Variants in ANKRD52 observed in about 807,000 individuals in gnomAD.
The protein encoded by ANKRD52 is serine/threonine-protein phosphatase 6 regulatory ankyrin repeat subunit C.
ANKRD52 carries 7 observed loss-of-function variants against 116.0 expected under a neutral mutation model. The ratio of observed to expected loss-of-function variants is 0.06; its 90% CI spans 0.03 to 0.11. The LOEUF (loss-of-function observed/expected upper bound fraction) is 0.11, where lower values mean the gene tolerates loss of function less well. Among genes scored for constraint, ANKRD52 ranks in the 10% least tolerant of loss-of-function variants. ANKRD52 has a pLI of 1.00. For synonymous variants in ANKRD52, 528 were observed against 578.1 expected (o/e 0.91, Z 1.24); for missense variants, 839 against 1,408.6 (o/e 0.60, Z 6.47).
chr12:56,257,182 C>G, intron 3 of ANKRD52, 97 bp from the exon 4 acceptor site: 1 of 1,550,218 alleles, frequency 6.5e-7, no homozygotes, highest in Non-Finnish European at 8.8e-7. Flanking sequence ...GCTGGAGCCT[C>G]GCCTGGACCA....
intron 18 of ANKRD52, 56 bp from the exon 19 acceptor site, chr12:56,247,830 G>T: frequency 6.4e-7 from 1 of 1,553,132 alleles, no homozygotes; most frequent in Non-Finnish European, 8.8e-7. Flanking sequence ...GGGAGGCAAG[G>T]TCAAGCCTAA....
chr12:56,248,742 C>T lies in ANKRD52; in HGVS notation c.1704+17G>A, dbSNP rs763519272. Reference sequence around the variant, plus strand: ...TGCCCCTGCCTCCCCTCCTGCAGGCCGGGCCCCAACACATACCAGTTCGAG... The same window carrying T: ...TGCCCCTGCCTCCCCTCCTGCAGGCTGGGCCCCAACACATACCAGTTCGAG... On this transcript the variant is annotated intron_variant, in intron 16 of 27. Coordinates refer to ENST00000267116, the MANE Select transcript of ANKRD52 (RefSeq NM_173595.4). This position sits in a 1 kb window ranked among gnomAD's most constrained non-coding sequence, Gnocchi z 5.1. 8.4e-5 allele frequency: 133 copies of T among 1,590,084 alleles called. No individual in the cohort carries two copies. The highest frequency in any genetic ancestry group is 1.0e-4 in the Non-Finnish European group (119 of 1,164,808).
Position 56,243,765 on chromosome 12 carries a change from G to C in ANKRD52, c.2980+20C>G, listed in dbSNP as rs1257898818. On this transcript the variant is annotated intron_variant, in intron 27 of 27. Transcript: ENST00000267116. The surrounding 1 kb of genome is among the most constrained non-coding windows in gnomAD (Gnocchi z 4.6). ...TGACCCCAAACCCAAGAGAGGCATG[G>C]GGCCCCAGACCCCACCCACCTTCTT... The C allele has an allele frequency of 6.4e-7, 1 of 1,551,620 alleles. No homozygotes were observed.
chr12:56,251,904 G>T, intron 15 of ANKRD52, 111 bp downstream of exon 15: 2 of 1,199,720 alleles, frequency 1.7e-6, no homozygotes, highest in Non-Finnish European at 2.4e-6. Context: ...TGGCTGACCG[G>T]CAGGACAGCA....
In ANKRD52 at chr12:56,248,429, C is replaced by T. The variant is rs921896243; in HGVS notation, c.1776+66G>A. The T allele has an allele frequency of 5.3e-6, 8 of 1,513,750 alleles. No individual in the cohort carries two copies. Among genetic ancestry groups the T allele is most frequent in the African/African-American group, 4.1e-5 (3 of 72,338 alleles). 93.8% of individuals were successfully genotyped at this position (1,513,750 alleles called of 1,614,324 possible). On this transcript the variant is annotated intron_variant, in intron 17 of 27. Coordinates refer to ENST00000267116, the MANE Select transcript of ANKRD52 (RefSeq NM_173595.4). The surrounding 1 kb of genome is among the most constrained non-coding windows in gnomAD (Gnocchi z 5.1). ...GGAAGGATAACTTCACAAGTGCTGG[C>T]ACCTTTGTTAGGGCCTGGGAACAGG... is the stretch of plus-strand genomic sequence containing the variant.
rs997191960 is a variant in ANKRD52, at chr12:56,240,538, G to A, written c.*2604C>T. Reference sequence around the variant, plus strand: ...CTCCCCGCCCTCCCCCATGAAGACTGGGGGGCATTCTGCCTGTTTTACTTC... The same window carrying A: ...CTCCCCGCCCTCCCCCATGAAGACTAGGGGGCATTCTGCCTGTTTTACTTC... On this transcript the variant is annotated 3_prime_UTR_variant, in exon 28 of 28. Transcript: ENST00000267116. This position sits in a 1 kb window ranked among gnomAD's most constrained non-coding sequence, Gnocchi z 4.2. 1 of 152,012 alleles carries A rather than the reference G, an allele frequency of 6.6e-6. No individual in the cohort carries two copies. The highest frequency in any genetic ancestry group is 1.5e-5 in the Non-Finnish European group (1 of 67,986). The allele number at this position is 152,012 out of a possible 1,614,324, so 9.4% of individuals were successfully genotyped here. A position where few individuals can be genotyped will look rare whatever the true frequency, so the allele number is the denominator to read the frequency against.
At position 56,245,128 on chromosome 12, in the gene ANKRD52, G is replaced by C. The variant is rs1565607682; in HGVS notation, c.2467C>G (p.Pro823Ala). Reference protein sequence around the residue: ...HSPFSYLEGNPFTPLHCAVIN... With the variant: ...HSPFSYLEGNAFTPLHCAVIN... Reference sequence around the variant, plus strand: ...ACTGCACAGTGCAAAGGAGTGAAGGGGTTTCCTTCCAGGTACGAAAACGGG... The same window carrying C: ...ACTGCACAGTGCAAAGGAGTGAAGGCGTTTCCTTCCAGGTACGAAAACGGG... Residue 823 changes from proline to alanine, a missense_variant, in exon 22 of 28, where the codon CCC (proline) becomes GCC (alanine). By Grantham distance (27) the Pro-to-Ala change is conservative. Coordinates refer to ENST00000267116, the MANE Select transcript of ANKRD52 (RefSeq NM_173595.4). The C allele has an allele frequency of 6.2e-7, 1 of 1,613,946 alleles. No homozygotes were observed.
chr12:56,258,134 C>G, intron 1 of ANKRD52, 109 bp downstream of exon 1: 2 of 1,517,400 alleles, frequency 1.3e-6, no homozygotes, highest in Non-Finnish European at 1.8e-6. Flanking sequence ...GGGGCGGGAG[C>G]TGCGGGAGCC....
chr12:56,237,854 C>G lies in ANKRD52; in HGVS notation c.*5288G>C. 8.3e-7 allele frequency: 1 copy of G among 1,206,966 alleles called. No individual in the cohort carries two copies. Among genetic ancestry groups the G allele is most frequent in the Non-Finnish European group, 1.1e-6 (1 of 898,092 alleles). The allele number at this position is 1,206,966 out of a possible 1,614,324, so 74.8% of individuals were successfully genotyped here. Reference sequence around the variant, plus strand: ...AACAGAACCCATCCCAAAGCCATGACTACGACAGTTGTACTTGCACCAAAA... The same window carrying G: ...AACAGAACCCATCCCAAAGCCATGAGTACGACAGTTGTACTTGCACCAAAA... On this transcript the variant is annotated 3_prime_UTR_variant, in exon 28 of 28. Transcript: ENST00000267116.
chr12:56,253,713 G>T lies in ANKRD52; in HGVS notation c.985+9C>A, dbSNP rs765509424. 6 of 1,613,280 alleles carry T rather than the reference G, an allele frequency of 3.7e-6. No individual in the cohort carries two copies. The highest frequency in any genetic ancestry group is 5.1e-6 in the Non-Finnish European group (6 of 1,179,478). ...GGGGATGAGAGCACAAAGTCTCCCAGGTCCATACCATTCTGGATGAGGATC... is the reference window on the plus strand; with the variant it reads ...GGGGATGAGAGCACAAAGTCTCCCATGTCCATACCATTCTGGATGAGGATC... On this transcript the variant is annotated intron_variant, in intron 9 of 27. Coordinates refer to ENST00000267116, the MANE Select transcript of ANKRD52 (RefSeq NM_173595.4). This position sits in a 1 kb window ranked among gnomAD's most constrained non-coding sequence, Gnocchi z 5.5.
intron 15 of ANKRD52, among the ~76,000 whole-genome samples, chr12:56,251,220 C>T (rs184627566): frequency 3.4e-4 from 51 of 151,964 alleles, no homozygotes; most frequent in African/African-American, 1.1e-3. Context: ...GGATTATAGG[C>T]GTGAACCACC....
Position 56,245,484 on chromosome 12 carries a change from T to C in ANKRD52, c.2297A>G (p.His766Arg), listed in dbSNP as rs1382701114. The C allele has an allele frequency of 1.9e-6, 3 of 1,611,668 alleles. No homozygotes were observed. Among genetic ancestry groups the C allele is most frequent in the Non-Finnish European group, 1.7e-6 (2 of 1,179,152 alleles). Residue 766 changes from histidine to arginine, a missense_variant, in exon 21 of 28, where the codon CAC becomes CGC. His to Arg is a conservative substitution (Grantham distance 29). Coordinates refer to ENST00000267116, the MANE Select transcript of ANKRD52 (RefSeq NM_173595.4). ...TPIHLASACGHTAVLRTLLQA... is the reference protein window; with the variant it reads ...TPIHLASACGRTAVLRTLLQA... ...CAGCAGGGTCCGCAGTACTGCAGTG[T>C]GGCCACAGGCTGAGGCCAGGTGAAT... is the stretch of plus-strand genomic sequence containing the variant.
Position 56,240,872 on chromosome 12 carries a change from C to T in ANKRD52, c.*2270G>A, listed in dbSNP as rs1057007319. On this transcript the variant is annotated 3_prime_UTR_variant, in exon 28 of 28. Transcript: ENST00000267116. The surrounding 1 kb of genome is among the most constrained non-coding windows in gnomAD (Gnocchi z 4.2). ...AGACAACGGGGCTCTGACACTCAGA[C>T]GCTTCCCGCCATCACCAAACATCAC... is the stretch of plus-strand genomic sequence containing the variant. 2.6e-5 allele frequency: 4 copies of T among 152,230 alleles called. No individual in the cohort carries two copies. The highest frequency in any genetic ancestry group is 9.7e-5 in the African/African-American group (4 of 41,448). The allele number at this position is 152,230 out of a possible 1,614,324, so 9.4% of individuals were successfully genotyped here. A position where few individuals can be genotyped will look rare whatever the true frequency, so the allele number is the denominator to read the frequency against.
Position 56,255,442 on chromosome 12 carries a change from C to T in ANKRD52, c.462+342G>A, listed in dbSNP as rs975550748. ...CCTGATCTCATGATCCACCCGCCTT[C>T]GCCTCCCAAAGTGCTGGGATTACAG... is the stretch of plus-strand genomic sequence containing the variant. On this transcript the variant is annotated intron_variant, in intron 5 of 27. Transcript: ENST00000267116. The surrounding 1 kb of genome is among the most constrained non-coding windows in gnomAD (Gnocchi z 4.3). Among the ~76,000 whole-genome samples, 2 of 152,170 alleles carry T rather than the reference C, an allele frequency of 1.3e-5. No individual in the cohort carries two copies. The highest frequency in any genetic ancestry group is 1.9e-4 in the East Asian group (1 of 5,178).
intron 15 of ANKRD52, among the ~76,000 whole-genome samples, chr12:56,249,783 C>T (rs915514762): frequency 3.9e-5 from 6 of 151,976 alleles, no homozygotes; most frequent in Non-Finnish European, 7.4e-5. Flanking sequence ...CTCACGCCTG[C>T]AATCCTAGCA....
Position 56,252,361 on chromosome 12 carries a change from T to TA in ANKRD52, c.1371-47dup. ...GGTGGGGAAGAGAATCAGAGACAGA[T>TA]ACGAATGCAATCAGATGTGCAGCCA... On this transcript the variant is annotated intron_variant, in intron 13 of 27. Transcript: ENST00000267116. The surrounding 1 kb of genome is among the most constrained non-coding windows in gnomAD (Gnocchi z 4.7). 6.2e-7 allele frequency: 1 copy of TA among 1,609,974 alleles called. No individual in the cohort carries two copies.
chr12:56,257,405 G>C, intron 2 of ANKRD52, 44 bp from the exon 3 acceptor site: 1 of 1,516,412 alleles, frequency 6.6e-7, no homozygotes, highest in Non-Finnish European at 9.0e-7. Flanking sequence ...GCGGGGTAAG[G>C]GGGCTATCAA....
In ANKRD52 at chr12:56,243,120, G is replaced by C. The variant is rs752429054; in HGVS notation, c.*22C>G. The C allele has an allele frequency of 1.3e-6, 2 of 1,566,458 alleles. No homozygotes were observed. Among genetic ancestry groups the C allele is most frequent in the Non-Finnish European group, 1.7e-6 (2 of 1,155,758 alleles). ...TAGAATTAGATATCAAGCCACCGGC[G>C]GGGGAGGGACACTGGAGGGGGCTAC... On this transcript the variant is annotated 3_prime_UTR_variant, in exon 28 of 28. Coordinates refer to ENST00000267116, the MANE Select transcript of ANKRD52 (RefSeq NM_173595.4). This position sits in a 1 kb window ranked among gnomAD's most constrained non-coding sequence, Gnocchi z 4.6.
rs1871208368 is a variant in ANKRD52 at position 56,242,491 on chromosome 12, C to T, written c.*651G>A. On this transcript the variant is annotated 3_prime_UTR_variant, in exon 28 of 28. Transcript: ENST00000267116. The surrounding 1 kb of genome is among the most constrained non-coding windows in gnomAD (Gnocchi z 4.3). ...GCATATGAGGAGCCAGGGGAGAGTG[C>T]AGGATTGGGGCCCAGGTACAGTAGT... 3.5e-6 allele frequency: 1 copy of T among 287,414 alleles called. No individual in the cohort carries two copies. Among genetic ancestry groups the T allele is most frequent in the East Asian group, 5.6e-5 (1 of 17,876 alleles). 17.8% of individuals were successfully genotyped at this position (287,414 alleles called of 1,614,324 possible).
Sources: gnomAD v4.1 joint callset for allele counts (sites outside exome capture counted in the v4.1 genomes callset) on GRCh38, gnomAD v4.1.1 for gene constraint, Gnocchi (gnomAD v3.1) non-coding constraint, MANE v1.5 for transcripts, NCBI Gene and HGNC (gene_info 2026-07-23, HGNC 2026-07-21) for gene names.